The following MET variants were observed in gnomAD, a reference collection of about 807,000 sequenced individuals.
MET encodes hepatocyte growth factor receptor.
In MET, 48 loss-of-function variants were observed where a neutral mutation model predicts 133.1. The observed-to-expected ratio is 0.36, with a 90% CI of 0.29 to 0.46. The LOEUF (loss-of-function observed/expected upper bound fraction) is 0.46, where lower values mean the gene tolerates loss of function less well. Among genes scored for constraint, MET ranks in the 20% least tolerant of loss-of-function variants. The pLI is 1.00. For missense variants in MET, 1,442 were observed against 1,695.9 expected (o/e 0.85, Z 2.63); for synonymous variants, 628 against 616.5 (o/e 1.02, Z -0.28).
At chr7:116,730,001 A>G (rs992733809) in intron 2 of MET, among the ~76,000 whole-genome samples, 1 of 152,196 alleles carries the variant, frequency 6.6e-6, no homozygotes, top group African/African-American at 2.4e-5. Flanking sequence ...ACATTATCTT[A>G]TAAATCACGC....
intron 11 of MET, among the ~76,000 whole-genome samples, chr7:116,765,549 G>A (rs1794594942): frequency 6.6e-6 from 1 of 152,012 alleles, no homozygotes; most frequent in Non-Finnish European, 1.5e-5. Context: ...AACACAATAG[G>A]GGTCAAGCAT....
Position 116,798,224 on chromosome 7 carries a change from C to T in MET, c.*2100C>T, listed in dbSNP as rs190739281. On this transcript the variant is annotated 3_prime_UTR_variant, in exon 21 of 21. Coordinates refer to ENST00000397752, the MANE Select transcript of MET (RefSeq NM_000245.4). The stretch of plus-strand genomic sequence containing the variant: ...TCACGTTTGCTATTTATAAACTTGT[C>T]CTTAGATTAATGTGTCTGGACAGAT... 264 of 209,842 alleles carry T rather than the reference C, an allele frequency of 1.3e-3. 2 individuals carry two copies. The highest frequency in any genetic ancestry group is 5.6e-3 in the African/African-American group (245 of 44,084). The allele number at this position is 209,842 out of a possible 1,614,324, so 13.0% of individuals were successfully genotyped here.
chr7:116,776,984 A>G (rs1158623789), intron 15 of MET, among the ~76,000 whole-genome samples: 3 of 152,228 alleles, frequency 2.0e-5, no homozygotes, highest in East Asian at 1.9e-4. Context: ...TTATTTTATT[A>G]TAGTTCTTCA....
chr7:116,757,309 C>G (rs1040454040), intron 6 of MET, 128 bp from the exon 7 acceptor site: 1 of 768,722 alleles, frequency 1.3e-6, no homozygotes, highest in South Asian at 1.5e-5. Flanking sequence ...TAATGCTTAT[C>G]TTGAAACTCT....
At chr7:116,681,267 A>G (rs1208830118) in intron 1 of MET, among the ~76,000 whole-genome samples, 1 of 152,166 alleles carries the variant, frequency 6.6e-6, no homozygotes, top group East Asian at 1.9e-4. Flanking sequence ...CAGGCACTCT[A>G]AATGAAATTC....
At chr7:116,735,047 G>T (rs944849603) in intron 3 of MET, among the ~76,000 whole-genome samples, 4 of 152,212 alleles carry the variant, frequency 2.6e-5, no homozygotes, top group South Asian at 2.1e-4. Flanking sequence ...GATCAGGGAT[G>T]CGAGAGGGGG....
rs1795686248 is a variant in MET, at chr7:116,796,583, C to G, written c.*459C>G. ...CTTTTGTGTGTTGTATGGTCAATAA[C>G]ATTTTTCATTACTGATGGTGTCATT... On this transcript the variant is annotated 3_prime_UTR_variant, in exon 21 of 21. Transcript: ENST00000397752. 1 of 301,856 alleles carries G rather than the reference C, an allele frequency of 3.3e-6. No homozygotes were observed. Among genetic ancestry groups the G allele is most frequent in the African/African-American group, 2.1e-5 (1 of 47,172 alleles). The allele number at this position is 301,856 out of a possible 1,614,324, so 18.7% of individuals were successfully genotyped here.
Position 116,699,601 on chromosome 7 carries a change from C to T in MET, c.517C>T (p.Pro173Ser), listed in dbSNP as rs2116590879. The change falls in exon 2 of 21, where the codon CCT becomes TCT. Residue 173 changes from proline (P) to serine (S), a missense_variant. Physicochemically the swap from Pro to Ser is moderately conservative, Grantham distance 74. Around this residue, in one of 6 missense-constraint regions of MET, gnomAD observed 762 missense variants for 792.4 expected, o/e 0.96. Transcript: ENST00000397752. ...SPQIEEPSQC[P>S]DCVVSALGAK... ...ACAGATAGAAGAGCCCAGCCAGTGT[C>T]CTGACTGTGTGGTGAGCGCCCTGGG... 1 of 1,614,024 alleles carries T rather than the reference C, an allele frequency of 6.2e-7. No individual in the cohort carries two copies. Among genetic ancestry groups the T allele is most frequent in the Non-Finnish European group, 8.5e-7 (1 of 1,179,966 alleles).
intron 1 of MET, among the ~76,000 whole-genome samples, chr7:116,678,019 A>G (rs924371282): frequency 2.0e-5 from 3 of 151,826 alleles, no homozygotes; most frequent in African/African-American, 7.3e-5. Context: ...GTCTCTGGAA[A>G]TGACTGAACT....
Position 116,700,132 on chromosome 7 carries a change from A to G in MET, c.1048A>G (p.Lys350Glu). 2 of 1,602,052 alleles carry G rather than the reference A, an allele frequency of 1.2e-6. No homozygotes were observed. The highest frequency in any genetic ancestry group is 1.7e-6 in the Non-Finnish European group (2 of 1,174,418). ...TCTTTTCGGGGTGTTCGCACAAAGC[A>G]AGCCAGATTCTGCCGAACCAATGGA... Reference protein sequence around the residue: ...DILFGVFAQSKPDSAEPMDRS... With the variant: ...DILFGVFAQSEPDSAEPMDRS... The change falls in exon 2 of 21, where the codon AAG becomes GAG. Residue 350 changes from lysine to glutamate, a missense_variant. By Grantham distance (56) the Lys-to-Glu change is moderately conservative. Transcript: ENST00000397752.
chr7:116,770,557 C>T (rs1794800364), intron 12 of MET, among the ~76,000 whole-genome samples: 1 of 152,066 alleles, frequency 6.6e-6, no homozygotes, highest in Admixed American at 6.6e-5. Flanking sequence ...TACTCTATAA[C>T]CAATAAGCAG....
intron 19 of MET, among the ~76,000 whole-genome samples, chr7:116,787,361 C>A (rs947046038): frequency 2.6e-5 from 4 of 152,102 alleles, no homozygotes; most frequent in Admixed American, 2.0e-4. Flanking sequence ...CTGTCTTAGT[C>A]GTTTTGTGCT....
chr7:116,686,403 C>A (rs1423406383), intron 1 of MET, among the ~76,000 whole-genome samples: 6 of 152,204 alleles, frequency 3.9e-5, no homozygotes, highest in Non-Finnish European at 8.8e-5. Flanking sequence ...ACAAACCTAT[C>A]CCCATACCTC....
In MET at chr7:116,771,544, A is replaced by G. The variant is rs1464316950; in HGVS notation, c.2777A>G (p.Gln926Arg). The G allele has an allele frequency of 6.2e-7, 1 of 1,613,800 alleles. No homozygotes were observed. The highest frequency in any genetic ancestry group is 1.3e-5 in the African/African-American group (1 of 74,914). The change falls in exon 13 of 21, where the codon CAA (glutamine) becomes CGA (arginine). Residue 926 changes from glutamine (Q) to arginine (R), a missense_variant. By Grantham distance (43) the Gln-to-Arg change is conservative. Coordinates refer to ENST00000397752, the MANE Select transcript of MET (RefSeq NM_000245.4). The part of the protein sequence containing the change: ...SSTVLGKVIV[Q>R]PDQNFTGLIA... ...ACCGTCCTTGGAAAAGTAATAGTTC[A>G]ACCAGATCAGAATTTCACAGGATTG...
At chr7:116,789,895 C>T (rs1201282824) in intron 19 of MET, among the ~76,000 whole-genome samples, 1 of 152,130 alleles carries the variant, frequency 6.6e-6, no homozygotes, top group East Asian at 1.9e-4. Flanking sequence ...TGGTTTGCTG[C>T]ACCTATCAAC....
chr7:116,741,159 C>A, intron 5 of MET, 134 bp downstream of exon 5: 1 of 1,030,520 alleles, frequency 9.7e-7, no homozygotes, highest in Non-Finnish European at 1.4e-6. Flanking sequence ...TCAATTTACT[C>A]ATTTAGCTGT....
chr7:116,673,352 T>G (rs1409781866), intron 1 of MET, among the ~76,000 whole-genome samples: 1 of 152,216 alleles, frequency 6.6e-6, no homozygotes, highest in Non-Finnish European at 1.5e-5. Context: ...CCAGTGTATT[T>G]TACCTTATCA....
chr7:116,715,100 G>A (rs1020033459), intron 2 of MET, among the ~76,000 whole-genome samples: 3 of 152,108 alleles, frequency 2.0e-5, no homozygotes, highest in African/African-American at 7.2e-5. Flanking sequence ...CACAAGGCAG[G>A]GATTTATGTC....
At chr7:116,731,054 C>T (rs1792984163) in intron 2 of MET, among the ~76,000 whole-genome samples, 1 of 152,036 alleles carries the variant, frequency 6.6e-6, no homozygotes, top group Non-Finnish European at 1.5e-5. Flanking sequence ...TTTTTTAGTT[C>T]TCTCTACTTT....
Sources: allele counts gnomAD v4.1 joint callset (sites outside exome capture counted in the v4.1 genomes callset), GRCh38; gene constraint gnomAD v4.1.1; regional missense constraint gnomAD v4.1.1; transcripts MANE v1.5; gene names NCBI Gene and HGNC (gene_info 2026-07-23, HGNC 2026-07-21).